Variants in ERBB4 observed in about 807,000 individuals in gnomAD.
ERBB4 encodes erb-b2 receptor tyrosine kinase 4.
A neutral mutation model predicts 158.0 loss-of-function variants in ERBB4; 42 were observed. That is an observed-to-expected ratio of 0.27 (90% CI 0.21 to 0.34). ERBB4 has a LOEUF of 0.34. ERBB4 is among the 10% of genes least tolerant of loss of function. The pLI is 1.00. For missense variants in ERBB4, 1,333 were observed against 1,624.1 expected (o/e 0.82, Z 3.08); for synonymous variants, 583 against 558.7 (o/e 1.04, Z -0.61).
chr2:211,659,866 G>A (rs1395012310), intron 15 of ERBB4, among the ~76,000 whole-genome samples: 1 of 152,142 alleles, frequency 6.6e-6, no homozygotes, highest in Non-Finnish European at 1.5e-5. Context: ...AATGTAATAA[G>A]AAACATGAAA....
intron 19 of ERBB4, among the ~76,000 whole-genome samples, chr2:211,567,709 C>T (rs530161497): frequency 3.0e-4 from 46 of 151,330 alleles, no homozygotes; most frequent in Non-Finnish European, 6.2e-4. Context: ...GTATTTGAAA[C>T]CAAATTGCAG....
At chr2:211,706,091 T>C (rs2073428715) in intron 9 of ERBB4, among the ~76,000 whole-genome samples, 3 of 152,188 alleles carry the variant, frequency 2.0e-5, no homozygotes, top group Admixed American at 6.5e-5. Context: ...AAAATTTTAT[T>C]ACATTAAAAG....
rs368036563 is a variant in ERBB4 at position 212,300,373 on chromosome 2, T to C, written c.83-175470A>G. On this transcript the variant is annotated intron_variant, in intron 1 of 27. Transcript: ENST00000342788. ...CATAAAACCAATCTAAGCAGTCAAA[T>C]ATAAATAGGACTATTAAATAAAACA... Among the ~76,000 whole-genome samples, 4 of 151,590 alleles carry C rather than the reference T, an allele frequency of 2.6e-5. No individual in the cohort carries two copies. In the South Asian group the frequency reaches 8.3e-4, roughly 31 times the overall value.
intron 20 of ERBB4, among the ~76,000 whole-genome samples, chr2:211,507,013 A>G (rs2065768584): frequency 6.6e-6 from 1 of 152,102 alleles, no homozygotes; most frequent in South Asian, 2.1e-4. Context: ...CACAACCAGA[A>G]ATGATAAAGG....
chr2:211,889,897 G>A (rs550583847), intron 3 of ERBB4, among the ~76,000 whole-genome samples: 6 of 144,580 alleles, frequency 4.1e-5, no homozygotes, highest in African/African-American at 1.0e-4. Context: ...AAGAAATATG[G>A]GACTATGTGA....
intron 2 of ERBB4, among the ~76,000 whole-genome samples, chr2:212,069,787 A>C (rs1025295408): frequency 3.3e-5 from 5 of 152,010 alleles, no homozygotes; most frequent in Admixed American, 1.3e-4. Context: ...TCCAAAAATA[A>C]AATTAAGAAA....
intron 1 of ERBB4, among the ~76,000 whole-genome samples, chr2:212,331,764 T>C (rs2088186302): frequency 6.6e-6 from 1 of 152,074 alleles, no homozygotes; most frequent in South Asian, 2.1e-4. Flanking sequence ...ATAAACTCTT[T>C]GAGGGCAAAG....
intron 4 of ERBB4, among the ~76,000 whole-genome samples, chr2:211,782,648 A>G (rs1241026556): frequency 1.3e-5 from 2 of 152,228 alleles, no homozygotes; most frequent in Non-Finnish European, 2.9e-5. Flanking sequence ...TCATCAGAGA[A>G]GATGGTGTAG....
intron 1 of ERBB4, among the ~76,000 whole-genome samples, chr2:212,263,119 G>C (rs1315916985): frequency 6.6e-6 from 1 of 152,150 alleles, no homozygotes; most frequent in Non-Finnish European, 1.5e-5. Flanking sequence ...GATGGAGGCA[G>C]AGGTTTCAAT....
intron 3 of ERBB4, among the ~76,000 whole-genome samples, chr2:211,826,864 G>C (rs1407703761): frequency 6.6e-6 from 1 of 151,972 alleles, no homozygotes; most frequent in Non-Finnish European, 1.5e-5. Flanking sequence ...GCAATCCTTA[G>C]AGTTTAAAGA....
rs148769297 is a variant in ERBB4 at position 211,505,698 on chromosome 2, C to T, written c.2487+56205G>A. On this transcript the variant is annotated intron_variant, in intron 20 of 27. Transcript: ENST00000342788. ...GACAGGGGCTGGGCATGGTGGCTCA[C>T]GCCTGTAATCCCAGCACTTTGGGAG... Among the ~76,000 whole-genome samples the T allele has an allele frequency of 6.4e-3, 980 of 152,238 alleles. 25 individuals carry two copies. Among genetic ancestry groups the T allele is most frequent in the East Asian group, 0.05 (257 of 5,170 alleles).
intron 1 of ERBB4, among the ~76,000 whole-genome samples, chr2:212,402,599 T>C (rs1041523696): frequency 1.3e-4 from 20 of 152,224 alleles, no homozygotes; most frequent in African/African-American, 4.8e-4. Flanking sequence ...CTGTGTTAAC[T>C]GAGCAAAATG....
At chr2:211,834,559 A>G (rs774770330) in intron 3 of ERBB4, among the ~76,000 whole-genome samples, 3 of 152,030 alleles carry the variant, frequency 2.0e-5, no homozygotes, top group Admixed American at 6.6e-5. Flanking sequence ...TCATATTAGG[A>G]GAACAGTTAA....
intron 19 of ERBB4, among the ~76,000 whole-genome samples, chr2:211,608,761 T>C (rs1574850381): frequency 6.6e-6 from 1 of 152,256 alleles, no homozygotes; most frequent in East Asian, 1.9e-4. Flanking sequence ...CATTTCCTTA[T>C]TGTACAGATT....
rs201051373 is a variant in ERBB4, at chr2:212,129,422, CAATAT to C, written c.83-4524_83-4520del. Reference sequence around the variant, plus strand: ...ATAAAAAGGTATACAATATTATATCCAATATAATATAATATTATACAATAATATTC... The same window carrying C: ...ATAAAAAGGTATACAATATTATATCCAATATAATATTATACAATAATATTC... On this transcript the variant is annotated intron_variant, in intron 1 of 27. Transcript: ENST00000342788. Among the ~76,000 whole-genome samples, 1,072 of 150,622 alleles carry C rather than the reference CAATAT, an allele frequency of 7.1e-3. 7 individuals are homozygous for C. The highest frequency in any genetic ancestry group is 0.019 in the Middle Eastern group (5 of 258).
At chr2:212,360,065 A>G (rs187946287) in intron 1 of ERBB4, among the ~76,000 whole-genome samples, 367 of 151,894 alleles carry the variant, frequency 2.4e-3, no homozygotes, top group Non-Finnish European at 4.0e-3. Flanking sequence ...TTATTCTTCT[A>G]TATCAGCACT....
intron 17 of ERBB4, among the ~76,000 whole-genome samples, chr2:211,625,409 G>T (rs1212890570): frequency 6.6e-6 from 1 of 152,128 alleles, no homozygotes; most frequent in South Asian, 2.1e-4. Flanking sequence ...ATTAGTGGAA[G>T]ATTCTTGATT....
chr2:212,312,884 A>T (rs1574657217), intron 1 of ERBB4, among the ~76,000 whole-genome samples: 1 of 150,870 alleles, frequency 6.6e-6, no homozygotes, highest in African/African-American at 2.4e-5. Context: ...TTGATTGTAA[A>T]TTTTCAGAAA....
chr2:212,487,942 T>G (rs893151940), intron 1 of ERBB4, among the ~76,000 whole-genome samples: 1 of 152,144 alleles, frequency 6.6e-6, no homozygotes. Flanking sequence ...CTCTAATTAG[T>G]GGCTTCTATA....
Sources: allele counts gnomAD v4.1 joint callset (sites outside exome capture counted in the v4.1 genomes callset), GRCh38; gene constraint gnomAD v4.1.1; transcripts MANE v1.5; gene names NCBI Gene and HGNC (gene_info 2026-07-23, HGNC 2026-07-21).